SCHIP1: variants seen among roughly 807,000 people sequenced by gnomAD.
The protein encoded by SCHIP1 is schwannomin-interacting protein 1.
A neutral mutation model predicts 29.7 loss-of-function variants in SCHIP1; 8 were observed. The ratio of observed to expected loss-of-function variants is 0.27; its 90% CI spans 0.16 to 0.49. The LOEUF (loss-of-function observed/expected upper bound fraction) is 0.49. Among genes scored for constraint, SCHIP1 ranks in the 20% least tolerant of loss-of-function variants. SCHIP1 has a pLI of 0.99. For synonymous variants in SCHIP1, 76 were observed against 94.9 expected, an observed-to-expected ratio of 0.80 and a Z score of 1.16; for missense variants, 193 against 294.6, an observed-to-expected ratio of 0.66 and a Z score of 2.52.
the SCHIP1 span, among the ~76,000 whole-genome samples, chr3:159,661,276 T>C: frequency 6.6e-6 from 1 of 152,322 alleles, no homozygotes; most frequent in South Asian, 2.1e-4. Flanking sequence ...ATGTAACTTA[T>C]ATAATCATTT....
At chr3:159,570,872 G>A in the SCHIP1 span, among the ~76,000 whole-genome samples, 1 of 152,168 alleles carries the variant, frequency 6.6e-6, no homozygotes, top group Non-Finnish European at 1.5e-5. Context: ...TCCCTTGTAA[G>A]TTGGATTCCT....
the SCHIP1 span, among the ~76,000 whole-genome samples, chr3:159,319,658 G>A: frequency 6.6e-6 from 1 of 152,124 alleles, no homozygotes; most frequent in African/African-American, 2.4e-5. Flanking sequence ...AAGTCTGGTT[G>A]GATAAGCAGA....
At chr3:159,611,409 C>A in the SCHIP1 span, among the ~76,000 whole-genome samples, 1 of 151,950 alleles carries the variant, frequency 6.6e-6, no homozygotes, top group African/African-American at 2.4e-5. Context: ...AACCATCATT[C>A]TCAGCAAACT....
chr3:159,302,387 T>C, the SCHIP1 span, among the ~76,000 whole-genome samples: 2 of 152,180 alleles, frequency 1.3e-5, no homozygotes, highest in African/African-American at 2.4e-5. Flanking sequence ...GTAAATATAG[T>C]ACCTGGGATT....
the SCHIP1 span, among the ~76,000 whole-genome samples, chr3:159,576,075 A>T: frequency 5.3e-5 from 8 of 152,102 alleles, no homozygotes; most frequent in Admixed American, 5.2e-4. Context: ...TTTTGCCATA[A>T]AATATATATT....
the SCHIP1 span, among the ~76,000 whole-genome samples, chr3:159,399,262 G>C: frequency 6.6e-6 from 1 of 152,034 alleles, no homozygotes; most frequent in Non-Finnish European, 1.5e-5. Flanking sequence ...CCCCTTCCCC[G>C]ACATATTACT....
chr3:159,373,457 T>A, the SCHIP1 span, among the ~76,000 whole-genome samples: 1 of 152,014 alleles, frequency 6.6e-6, no homozygotes, highest in Non-Finnish European at 1.5e-5. Flanking sequence ...TTTACCCTCT[T>A]AGGGATTTTG....
chr3:159,418,142 T>C, the SCHIP1 span, among the ~76,000 whole-genome samples: 1 of 152,192 alleles, frequency 6.6e-6, no homozygotes, highest in African/African-American at 2.4e-5. Context: ...GCTTTTCCCA[T>C]ATTGGCACAA....
chr3:159,428,453 C>T, the SCHIP1 span, among the ~76,000 whole-genome samples: 7 of 152,168 alleles, frequency 4.6e-5, no homozygotes, highest in Admixed American at 1.3e-4. Flanking sequence ...AAATGCTCAC[C>T]ATCACTGGCC....
intron 2 of SCHIP1, among the ~76,000 whole-genome samples, chr3:159,885,773 AGCTGTG>A (rs1716903371): frequency 6.6e-6 from 1 of 152,178 alleles, no homozygotes. Flanking sequence ...TTCTTCAGAG[AGCTGTG>A]GCCTTGGGAT....
At chr3:159,372,515 T>G in the SCHIP1 span, among the ~76,000 whole-genome samples, 1 of 152,144 alleles carries the variant, frequency 6.6e-6, no homozygotes, top group Non-Finnish European at 1.5e-5. Context: ...GAAATTATTT[T>G]TATATTTTCA....
At chr3:159,824,410 C>T in the SCHIP1 span, among the ~76,000 whole-genome samples, 160 of 152,308 alleles carry the variant, frequency 1.1e-3, 1 homozygote, top group African/African-American at 3.6e-3. Flanking sequence ...CAGACTGGAT[C>T]GTCATTTGTC....
At chr3:159,531,600 AATCT>A in the SCHIP1 span, among the ~76,000 whole-genome samples, 1 of 152,234 alleles carries the variant, frequency 6.6e-6, no homozygotes, top group Non-Finnish European at 1.5e-5. Flanking sequence ...CAAGAAAATT[AATCT>A]ATCAATTAAT....
At chr3:159,547,872 A>G in the SCHIP1 span, among the ~76,000 whole-genome samples, 1 of 152,172 alleles carries the variant, frequency 6.6e-6, no homozygotes, top group Non-Finnish European at 1.5e-5. Flanking sequence ...CTTTTTGCTT[A>G]GGATTGTCTT....
chr3:159,802,102 AAAAC>A, the SCHIP1 span, among the ~76,000 whole-genome samples: 2 of 152,224 alleles, frequency 1.3e-5, no homozygotes, highest in Non-Finnish European at 1.5e-5. Context: ...ATACCAATAA[AAAAC>A]AAAAGAACAA....
chr3:159,559,700 TATC>T, the SCHIP1 span, among the ~76,000 whole-genome samples: 26 of 152,312 alleles, frequency 1.7e-4, 2 homozygotes, highest in South Asian at 5.2e-3. Flanking sequence ...TCTCTAGCAT[TATC>T]ATATTCCCAG....
chr3:159,496,353 C>T, the SCHIP1 span, among the ~76,000 whole-genome samples: 1 of 152,166 alleles, frequency 6.6e-6, no homozygotes, highest in South Asian at 2.1e-4. Flanking sequence ...GCAACCTACT[C>T]ATCTGACAAA....
the SCHIP1 span, among the ~76,000 whole-genome samples, chr3:159,541,483 T>G: frequency 1.3e-5 from 2 of 152,042 alleles, no homozygotes; most frequent in African/African-American, 4.8e-5. Context: ...GTTACTTAAA[T>G]AAGATTTCAT....
chr3:159,700,444 C>A, the SCHIP1 span, among the ~76,000 whole-genome samples: 8 of 152,294 alleles, frequency 5.3e-5, no homozygotes, highest in African/African-American at 1.9e-4. Context: ...CTAGTAATTT[C>A]TCCTAAGTAA....
Sources: allele counts gnomAD v4.1 joint callset (sites outside exome capture counted in the v4.1 genomes callset), GRCh38; gene constraint gnomAD v4.1.1; transcripts MANE v1.5; gene names NCBI Gene and HGNC (gene_info 2026-07-23, HGNC 2026-07-21).